The following ANKS1B variants were observed in gnomAD, a reference collection of about 807,000 sequenced individuals.
ANKS1B encodes ankyrin repeat and sterile alpha motif domain-containing protein 1B.
Under a neutral mutation model 148.3 loss-of-function variants are expected in ANKS1B, and 36 were observed. The ratio of observed to expected loss-of-function variants is 0.24; its 90% confidence interval spans 0.19 to 0.32. The LOEUF is 0.32. ANKS1B is among the 10% of genes least tolerant of loss of function. ANKS1B has a pLI of 1.00. For synonymous variants in ANKS1B, 542 were observed against 560.8 expected (o/e 0.97, Z 0.47); for missense variants, 1,157 against 1,542.6 (o/e 0.75, Z 4.19).
chr12:99,321,193 C>G (rs1692165539), intron 12 of ANKS1B, among the ~76,000 whole-genome samples: 1 of 152,186 alleles, frequency 6.6e-6, no homozygotes, highest in Non-Finnish European at 1.5e-5. Context: ...TCTCCGATTT[C>G]AAACTCTGTG....
chr12:99,382,974 C>T (rs1008463522), intron 12 of ANKS1B, among the ~76,000 whole-genome samples: 1 of 152,122 alleles, frequency 6.6e-6, no homozygotes, highest in African/African-American at 2.4e-5. Flanking sequence ...CACCCACTTC[C>T]CTTCTAGCTT....
At chr12:99,159,968 G>C (rs528862019) in intron 14 of ANKS1B, among the ~76,000 whole-genome samples, 1 of 152,130 alleles carries the variant, frequency 6.6e-6, no homozygotes, top group African/African-American at 2.4e-5. Flanking sequence ...GCACTTCTCC[G>C]ATGATCAGTG....
intron 16 of ANKS1B, among the ~76,000 whole-genome samples, chr12:99,082,510 G>C (rs753895788): frequency 7.9e-5 from 12 of 152,138 alleles, no homozygotes; most frequent in Non-Finnish European, 1.6e-4. Flanking sequence ...AGCATGACCT[G>C]ATTTATATTT....
rs189797600 is a variant in ANKS1B at position 99,541,326 on chromosome 12, C to T, written c.1273-36685G>A. 4.6e-5 allele frequency among the ~76,000 whole-genome samples: 7 copies of T among 152,214 alleles called. No homozygotes were observed. The East Asian group carries it at 1.2e-3, about 25-fold the overall frequency. On this transcript the variant is annotated intron_variant, in intron 9 of 26. Coordinates refer to ENST00000683438, the MANE Select transcript of ANKS1B (RefSeq NM_001352186.2). ...TAATATCAAAACCATATAAACACAT[C>T]ACAAGAAAAGTAGACATCAACATCC...
At chr12:99,776,514 G>T (rs1025839105) in intron 6 of ANKS1B, among the ~76,000 whole-genome samples, 1 of 152,148 alleles carries the variant, frequency 6.6e-6, no homozygotes, top group African/African-American at 2.4e-5. Context: ...AAAGAAAACA[G>T]CATCTGAATG....
intron 11 of ANKS1B, 32 bp from the exon 12 acceptor site, chr12:99,399,843 T>C (rs1365600797): frequency 6.8e-6 from 11 of 1,607,260 alleles, no homozygotes; most frequent in Non-Finnish European, 6.8e-6. Context: ...AGAGTATTAA[T>C]ATGATCATGT....
At chr12:99,002,757 A>G (rs1240904425) in intron 17 of ANKS1B, among the ~76,000 whole-genome samples, 1 of 152,106 alleles carries the variant, frequency 6.6e-6, no homozygotes, top group African/African-American at 2.4e-5. Context: ...TCCATTACAT[A>G]GTTTGCAAAT....
At chr12:99,324,326 G>T (rs1016844114) in intron 12 of ANKS1B, among the ~76,000 whole-genome samples, 1 of 152,094 alleles carries the variant, frequency 6.6e-6, no homozygotes, top group South Asian at 2.1e-4. Flanking sequence ...GCACAGAGAA[G>T]TTAAGGCTTT....
intron 12 of ANKS1B, among the ~76,000 whole-genome samples, chr12:99,282,601 G>T (rs767784602): frequency 1.3e-5 from 2 of 152,120 alleles, no homozygotes; most frequent in East Asian, 3.8e-4. Context: ...AAAACATTAG[G>T]TATGCAGCTA....
chr12:98,941,729 T>C (rs1039904148), intron 17 of ANKS1B, among the ~76,000 whole-genome samples: 20 of 152,244 alleles, frequency 1.3e-4, no homozygotes, highest in Non-Finnish European at 2.6e-4. Flanking sequence ...TCCTTTTCTT[T>C]AATTCCTCAA....
chr12:99,058,175 C>T (rs1013308556), intron 16 of ANKS1B, among the ~76,000 whole-genome samples: 1 of 149,118 alleles, frequency 6.7e-6, no homozygotes, highest in Non-Finnish European at 1.5e-5. Context: ...AATAAGCAAA[C>T]ATCAGTATCC....
At chr12:98,794,999 C>G (rs2098934976) in intron 22 of ANKS1B, 1 of 936,210 alleles carries the variant, frequency 1.1e-6, no homozygotes, top group Non-Finnish European at 1.7e-6. Flanking sequence ...CTTTTATGAA[C>G]ATTTGAAAAT....
intron 8 of ANKS1B, among the ~76,000 whole-genome samples, chr12:99,677,566 G>A (rs1482352003): frequency 6.6e-6 from 1 of 152,178 alleles, no homozygotes; most frequent in Non-Finnish European, 1.5e-5. Flanking sequence ...GTCTGCTGCT[G>A]AGAACACTGT....
intron 3 of ANKS1B, among the ~76,000 whole-genome samples, chr12:99,809,586 G>A (rs924860019): frequency 6.6e-6 from 1 of 151,974 alleles, no homozygotes; most frequent in Non-Finnish European, 1.5e-5. Flanking sequence ...AGGTTGAAGT[G>A]TTACCATGTA....
intron 9 of ANKS1B, among the ~76,000 whole-genome samples, chr12:99,554,231 A>G (rs917066263): frequency 3.9e-5 from 6 of 152,152 alleles, no homozygotes; most frequent in South Asian, 2.1e-4. Flanking sequence ...AAGTAACCCA[A>G]TTGAGAAGTC....
intron 17 of ANKS1B, among the ~76,000 whole-genome samples, chr12:98,874,902 T>C (rs954575693): frequency 2.0e-5 from 3 of 152,206 alleles, no homozygotes; most frequent in African/African-American, 7.2e-5. Flanking sequence ...ATGACACACA[T>C]AGCTTGCCCC....
intron 21 of ANKS1B, among the ~76,000 whole-genome samples, chr12:98,800,548 CAAACT>C (rs1042093910): frequency 2.0e-5 from 3 of 151,770 alleles, no homozygotes; most frequent in East Asian, 1.9e-4. Context: ...TAAACTAAAC[CAAACT>C]AAACTAAACA....
At chr12:99,631,386 AT>A (rs1461005059) in intron 9 of ANKS1B, among the ~76,000 whole-genome samples, 1 of 152,128 alleles carries the variant, frequency 6.6e-6, no homozygotes, top group East Asian at 1.9e-4. Context: ...GAACTAGATA[AT>A]GGGCAGAAGC....
chr12:99,079,778 AT>A (rs1340622558), intron 16 of ANKS1B: 2 of 152,068 alleles, frequency 1.3e-5, no homozygotes, highest in African/African-American at 4.9e-5. Context: ...ACAGCTTGTT[AT>A]AATTCTCTCT....
Sources: gnomAD v4.1 joint callset for allele counts (sites outside exome capture counted in the v4.1 genomes callset) on GRCh38, gnomAD v4.1.1 for gene constraint, MANE v1.5 for transcripts, NCBI Gene and HGNC (gene_info 2026-07-23, HGNC 2026-07-21) for gene names.